The following TBC1D9 variants were observed in gnomAD, a reference collection of about 807,000 sequenced individuals.
The protein encoded by TBC1D9 is TBC1 domain family member 9A.
In TBC1D9, 63 loss-of-function variants were observed where a neutral mutation model predicts 132.0. That is an observed-to-expected ratio of 0.48 (90% CI 0.39 to 0.59). The LOEUF (loss-of-function observed/expected upper bound fraction) is 0.59, where lower values mean the gene tolerates loss of function less well. TBC1D9 is among the 20% of genes least tolerant of loss of function. The pLI is 0.00. For missense variants in TBC1D9, 1,261 were observed against 1,592.7 expected (o/e 0.79, Z 3.54); for synonymous variants, 610 against 609.9 (o/e 1.00, Z 0.00).
rs768666406 is a variant in TBC1D9, at chr4:140,657,700, G to A, written c.2034C>T (p.Phe678=). 3.7e-6 allele frequency: 6 copies of A among 1,613,842 alleles called. No homozygotes were observed. The highest frequency in any genetic ancestry group is 2.2e-5 in the East Asian group (1 of 44,892). ...GCATCACACTGAGAAATAGTGTGAG[G>A]AACCAAGACAGGGAGATGGTGGAAA... ...GVISTISLSW[F]LTLFLSVMPF... The change falls in exon 12 of 21, where the codon TTC becomes TTT. Residue 678 remains phenylalanine (F), a synonymous_variant. Transcript: ENST00000442267.
At chr4:140,643,393 T>C (rs909556904) in intron 13 of TBC1D9, 23 of 651,594 alleles carry the variant, frequency 3.5e-5, no homozygotes, top group Non-Finnish European at 4.6e-5. Flanking sequence ...GGCAGCTCCA[T>C]GGCCACCTCC....
chr4:140,726,932 T>TA (rs1438071712), intron 1 of TBC1D9, among the ~76,000 whole-genome samples: 1 of 152,160 alleles, frequency 6.6e-6, no homozygotes, highest in African/African-American at 2.4e-5. Flanking sequence ...CAATATCTCA[T>TA]AACAACTGAT....
At chr4:140,637,444 C>T (rs935065972) in intron 15 of TBC1D9, among the ~76,000 whole-genome samples, 25 of 152,176 alleles carry the variant, frequency 1.6e-4, no homozygotes, top group Admixed American at 3.3e-4. Context: ...TTGCTTTCCC[C>T]GAGTCAGCCT....
chr4:140,682,432 C>A (rs1478288992), intron 3 of TBC1D9, among the ~76,000 whole-genome samples: 1 of 152,060 alleles, frequency 6.6e-6, no homozygotes, highest in African/African-American at 2.4e-5. Flanking sequence ...CTTCAGACAA[C>A]TGAAGGCAGC....
intron 5 of TBC1D9, among the ~76,000 whole-genome samples, chr4:140,677,407 A>G (rs10519539): frequency 0.14 from 20,879 of 152,010 alleles, 1,542 homozygotes; most frequent in Non-Finnish European, 0.16. Flanking sequence ...AATGCAATAC[A>G]CTCTAAAGAG....
At chr4:140,711,566 C>T (rs1448050396) in intron 1 of TBC1D9, among the ~76,000 whole-genome samples, 3 of 152,048 alleles carry the variant, frequency 2.0e-5, no homozygotes, top group Middle Eastern at 3.2e-3. Context: ...TTGAGAGCAT[C>T]GATAAGCTGA....
At chr4:140,624,989 T>C (rs1736682671) in intron 18 of TBC1D9, among the ~76,000 whole-genome samples, 1 of 151,872 alleles carries the variant, frequency 6.6e-6, no homozygotes, top group African/African-American at 2.4e-5. Flanking sequence ...GAGGCAGAGG[T>C]TGCAGTGGGC....
At chr4:140,719,726 C>G (rs1024115196) in intron 1 of TBC1D9, among the ~76,000 whole-genome samples, 4 of 152,154 alleles carry the variant, frequency 2.6e-5, no homozygotes, top group Non-Finnish European at 5.9e-5. Context: ...ATACAAATAG[C>G]AATCATTAGA....
chr4:140,657,691 T>C lies in TBC1D9; in HGVS notation c.2043A>G (p.Leu681=), dbSNP rs1234224799. 6.2e-6 allele frequency: 10 copies of C among 1,613,726 alleles called. No homozygotes were observed. The highest frequency in any genetic ancestry group is 2.7e-5 in the African/African-American group (2 of 74,862). Residue 681 remains leucine (L), a synonymous_variant, in exon 12 of 21, where the codon CTA becomes CTG. Transcript: ENST00000442267. ...TCTCAAAAGGCATCACACTGAGAAA[T>C]AGTGTGAGGAACCAAGACAGGGAGA... is the stretch of plus-strand genomic sequence containing the variant. ...STISLSWFLT[L]FLSVMPFESA...
In TBC1D9 at chr4:140,679,169, C is replaced by T. The variant is rs1204083235; in HGVS notation, c.624G>A (p.Gln208=). 1.2e-6 allele frequency: 2 copies of T among 1,613,768 alleles called. No homozygotes were observed. The highest frequency in any genetic ancestry group is 8.5e-7 in the Non-Finnish European group (1 of 1,179,812). ...KLVIRWVDIT[Q]LEKNATLLLP... ...GAAGCAGGGTGGCATTCTTCTCAAGCTGAGTGATGTCTACCCACCGGATGA... is the reference window on the plus strand; with the variant it reads ...GAAGCAGGGTGGCATTCTTCTCAAGTTGAGTGATGTCTACCCACCGGATGA... The change falls in exon 5 of 21, where the codon CAG becomes CAA. Residue 208 remains glutamine, a synonymous_variant. Transcript: ENST00000442267.
intron 1 of TBC1D9, among the ~76,000 whole-genome samples, chr4:140,723,854 C>T (rs912478708): frequency 1.8e-4 from 27 of 151,776 alleles, no homozygotes; most frequent in Admixed American, 6.6e-4. Flanking sequence ...TCAAATGTTC[C>T]ACCTCAGCCT....
intron 13 of TBC1D9, among the ~76,000 whole-genome samples, chr4:140,647,887 A>C (rs1016313925): frequency 6.6e-6 from 1 of 152,046 alleles, no homozygotes; most frequent in East Asian, 1.9e-4. Flanking sequence ...GAACAATTAG[A>C]ATGACATGGG....
At chr4:140,709,248 T>TCTCTCTCTCACACACACA (rs1382500714) in intron 1 of TBC1D9, among the ~76,000 whole-genome samples, 8 of 104,146 alleles carry the variant, frequency 7.7e-5, no homozygotes, top group African/African-American at 3.5e-4. Flanking sequence ...TCTCTCTCTC[T>TCTCTCTCTCACACACACA]CACACACACA....
intron 16 of TBC1D9, among the ~76,000 whole-genome samples, chr4:140,629,815 C>T (rs896994462): frequency 6.6e-6 from 1 of 152,094 alleles, no homozygotes; most frequent in Non-Finnish European, 1.5e-5. Flanking sequence ...ACTAAACTCC[C>T]GGATGTTTGC....
chr4:140,681,255 C>T, intron 3 of TBC1D9, among the ~76,000 whole-genome samples: 1 of 152,314 alleles, frequency 6.6e-6, no homozygotes, highest in East Asian at 1.9e-4. Flanking sequence ...TCAGACTGTT[C>T]TGTTTCGTGA....
In TBC1D9 at chr4:140,657,577, G is replaced by A. The variant is rs752034811; in HGVS notation, c.2157C>T (p.Asp719=). Reference sequence around the variant, plus strand: ...CATCATCCTTGCAGTTCAACAGTTTGTCCACATTTGCATCCAGCACAGCTA... The same window carrying A: ...CATCATCCTTGCAGTTCAACAGTTTATCCACATTTGCATCCAGCACAGCTA... ...LALAVLDANV[D]KLLNCKDDGE... Residue 719 remains aspartate, a synonymous_variant, in exon 12 of 21, where the codon GAC becomes GAT. Transcript: ENST00000442267. The A allele has an allele frequency of 3.1e-6, 5 of 1,613,842 alleles. No homozygotes were observed. The East Asian group carries it at 1.1e-4, about 36-fold the overall frequency.
At chr4:140,693,996 T>C (rs1366093873) in intron 2 of TBC1D9, among the ~76,000 whole-genome samples, 4 of 152,224 alleles carry the variant, frequency 2.6e-5, no homozygotes, top group East Asian at 1.9e-4. Context: ...AATGTCTATC[T>C]TTCTGGAGGG....
intron 6 of TBC1D9, among the ~76,000 whole-genome samples, chr4:140,675,765 G>A (rs1737614345): frequency 6.6e-6 from 1 of 152,174 alleles, no homozygotes; most frequent in South Asian, 2.1e-4. Context: ...TTCTAACACA[G>A]GAAATCAGCC....
intron 9 of TBC1D9, among the ~76,000 whole-genome samples, chr4:140,666,657 G>A (rs1737450317): frequency 6.6e-6 from 1 of 151,120 alleles, no homozygotes; most frequent in Admixed American, 6.6e-5. Context: ...TTTCCAAATG[G>A]ATAAAAGGTA....
Sources: gnomAD v4.1 joint callset for allele counts (sites outside exome capture counted in the v4.1 genomes callset) on GRCh38, gnomAD v4.1.1 for gene constraint, MANE v1.5 for transcripts, NCBI Gene and HGNC (gene_info 2026-07-23, HGNC 2026-07-21) for gene names.